USH2A: variants seen among roughly 807,000 people sequenced by gnomAD.
USH2A encodes the protein Usher syndrome 2A (autosomal recessive, mild).
A neutral mutation model predicts 538.9 loss-of-function variants in USH2A; 443 were observed. The ratio of observed to expected loss-of-function variants is 0.82; its 90% confidence interval spans 0.76 to 0.89. The LOEUF (loss-of-function observed/expected upper bound fraction) is 0.89, where lower values mean the gene tolerates loss of function less well. Ranked by LOEUF, USH2A falls within the 40% of genes least tolerant of loss-of-function variation. The probability of loss-of-function intolerance (pLI) is 0.00; values close to 1 mark genes in which losing one functional copy is unlikely to be tolerated. For missense variants in USH2A, 6,633 were observed against 6,324.8 expected, an observed-to-expected ratio of 1.05 and a Z score of -1.65; for synonymous variants, 2,413 against 2,273.5, an observed-to-expected ratio of 1.06 and a Z score of -1.75.
At chr1:216,092,742 C>A (rs1332628415) in intron 22 of USH2A, among the ~76,000 whole-genome samples, 1 of 152,122 alleles carries the variant, frequency 6.6e-6, no homozygotes, top group East Asian at 1.9e-4. Context: ...ATATAGAGAG[C>A]CTCATGGCCC....
chr1:216,245,436 C>T (rs2036017548), intron 13 of USH2A, among the ~76,000 whole-genome samples: 1 of 129,038 alleles, frequency 7.7e-6, no homozygotes, highest in African/African-American at 3.1e-5. Flanking sequence ...GGCCATATAC[C>T]CATGTAGAGA....
At chr1:215,946,790 G>A (rs188750318) in intron 37 of USH2A, among the ~76,000 whole-genome samples, 83 of 152,200 alleles carry the variant, frequency 5.5e-4, no homozygotes, top group African/African-American at 1.9e-3. Context: ...CATTGATTCA[G>A]TTACTGGAAA....
At chr1:215,725,819 A>G (rs945413662) in intron 61 of USH2A, among the ~76,000 whole-genome samples, 8 of 152,196 alleles carry the variant, frequency 5.3e-5, no homozygotes, top group African/African-American at 1.9e-4. Context: ...GCTTGGGGCC[A>G]TACACTTGCC....
intron 3 of USH2A, among the ~76,000 whole-genome samples, chr1:216,417,666 TTGTC>T (rs1253323050): frequency 1.3e-5 from 2 of 152,112 alleles, no homozygotes; most frequent in African/African-American, 4.8e-5. Context: ...TGCTCAGCCT[TTGTC>T]TGCTGCCGTG....
chr1:215,666,880 A>T (rs1034680507), intron 64 of USH2A, among the ~76,000 whole-genome samples: 1 of 152,038 alleles, frequency 6.6e-6, no homozygotes, highest in Non-Finnish European at 1.5e-5. Flanking sequence ...TCATGAGGTC[A>T]GGAGATTGAG....
intron 41 of USH2A, among the ~76,000 whole-genome samples, chr1:215,879,381 G>A (rs2102452312): frequency 6.6e-6 from 1 of 152,300 alleles, no homozygotes; most frequent in African/African-American, 2.4e-5. Flanking sequence ...CACTGTGGGT[G>A]TTCTGAAGGA....
At chr1:215,648,946 G>A (rs1656954182) in intron 65 of USH2A, among the ~76,000 whole-genome samples, 180 bp from the exon 66 acceptor site, 1 of 152,190 alleles carries the variant, frequency 6.6e-6, no homozygotes, top group African/African-American at 2.4e-5. Context: ...AGAGAGGTAT[G>A]ACAAATAGGT....
intron 61 of USH2A, among the ~76,000 whole-genome samples, chr1:215,719,345 T>C (rs1317719737): frequency 1.3e-5 from 1 of 78,220 alleles, no homozygotes; most frequent in East Asian, 3.3e-4. Context: ...GATAAGACCG[T>C]AATAAACCTC....
At chr1:216,190,487 T>C in intron 19 of USH2A, 120 bp from the exon 20 acceptor site, 1 of 1,355,410 alleles carries the variant, frequency 7.4e-7, no homozygotes, top group South Asian at 1.3e-5. Context: ...CCAACCACCA[T>C]TAGGAAAAGG....
At chr1:216,152,128 AT>A (rs1333941460) in intron 21 of USH2A, among the ~76,000 whole-genome samples, 1 of 151,946 alleles carries the variant, frequency 6.6e-6, no homozygotes, top group Non-Finnish European at 1.5e-5. Flanking sequence ...TTCTCTCTCC[AT>A]ACCACCCCCC....
At chr1:216,241,734 A>G (rs914081802) in intron 13 of USH2A, among the ~76,000 whole-genome samples, 2 of 152,014 alleles carry the variant, frequency 1.3e-5, no homozygotes, top group African/African-American at 4.8e-5. Context: ...GAGTTTCACC[A>G]TGTTGCTCAG....
chr1:216,136,484 T>C (rs2033489420), intron 21 of USH2A, among the ~76,000 whole-genome samples: 1 of 152,182 alleles, frequency 6.6e-6, no homozygotes, highest in African/African-American at 2.4e-5. Flanking sequence ...GTTTAATTCC[T>C]CTTTTTGATT....
chr1:216,011,517 T>G (rs1227613946), intron 32 of USH2A, among the ~76,000 whole-genome samples: 2 of 152,042 alleles, frequency 1.3e-5, no homozygotes, highest in Non-Finnish European at 2.9e-5. Flanking sequence ...AAACAACAAT[T>G]CCTTTCCTTC....
intron 21 of USH2A, among the ~76,000 whole-genome samples, chr1:216,167,315 C>T (rs894565287): frequency 5.9e-5 from 9 of 152,036 alleles, no homozygotes; most frequent in African/African-American, 2.2e-4. Flanking sequence ...AAGAATCAGT[C>T]ACAGCCAGTG....
chr1:216,205,181 A>T (rs1319848335), intron 16 of USH2A, among the ~76,000 whole-genome samples: 1 of 152,206 alleles, frequency 6.6e-6, no homozygotes, highest in Non-Finnish European at 1.5e-5. Flanking sequence ...GGGTGACCCT[A>T]ATTCACAACT....
At chr1:215,806,494 G>T (rs1287248328) in intron 49 of USH2A, among the ~76,000 whole-genome samples, 20 of 152,094 alleles carry the variant, frequency 1.3e-4, no homozygotes, top group Admixed American at 1.3e-3. Flanking sequence ...AAACTGCTCA[G>T]ATGTGGGATT....
chr1:215,729,486 C>G (rs1370936459), intron 60 of USH2A, among the ~76,000 whole-genome samples: 1 of 152,148 alleles, frequency 6.6e-6, no homozygotes, highest in Non-Finnish European at 1.5e-5. Context: ...ATATGCCCAT[C>G]ATTGTATTAG....
At chr1:215,699,013 G>C (rs2102688052) in intron 61 of USH2A, among the ~76,000 whole-genome samples, 1 of 152,206 alleles carries the variant, frequency 6.6e-6, no homozygotes, top group East Asian at 1.9e-4. Flanking sequence ...TAAGAAAGGG[G>C]TCCAGTTTCA....
intron 54 of USH2A, among the ~76,000 whole-genome samples, chr1:215,781,323 T>C (rs922154680): frequency 6.6e-6 from 1 of 152,180 alleles, no homozygotes; most frequent in African/African-American, 2.4e-5. Context: ...TAAATATATT[T>C]TTTACAAAAC....
Sources: allele counts gnomAD v4.1 joint callset (sites outside exome capture counted in the v4.1 genomes callset), GRCh38; gene constraint gnomAD v4.1.1; transcripts MANE v1.5; gene names NCBI Gene and HGNC (gene_info 2026-07-23, HGNC 2026-07-21).